Variants in MTRF1 observed in about 807,000 individuals in gnomAD.
The protein encoded by MTRF1 is mitochondrial translation release factor 1, also known as peptide chain release factor 1, mitochondrial.
Under a neutral mutation model 62.9 loss-of-function variants are expected in MTRF1, and 51 were observed. The observed-to-expected ratio is 0.81, with a 90% CI of 0.65 to 1.02. The LOEUF is 1.02. Among genes scored for constraint, MTRF1 ranks in the 50% least tolerant of loss-of-function variants. The probability of loss-of-function intolerance (pLI) is 0.00; values close to 1 mark genes in which losing one functional copy is unlikely to be tolerated. For synonymous variants in MTRF1, 158 were observed against 181.9 expected, an observed-to-expected ratio of 0.87 and a Z score of 1.06; for missense variants, 446 against 530.0, an observed-to-expected ratio of 0.84 and a Z score of 1.56.
At position 41,226,525 on chromosome 13, in the gene MTRF1, A is replaced by G. The variant is rs1566070571; in HGVS notation, c.1032T>C (p.Asn344=). 6.2e-7 allele frequency: 1 copy of G among 1,613,858 alleles called. No individual in the cohort carries two copies. Among genetic ancestry groups the G allele is most frequent in the East Asian group, 2.2e-5 (1 of 44,862 alleles). ...ECQQERSQIK[N]KEIAFRVLRA... Reference sequence around the variant, plus strand: ...TCAACACACGAAAGGCTATTTCTTTATTTTTTATCTGTGATCTTTCTTGTT... The same window carrying G: ...TCAACACACGAAAGGCTATTTCTTTGTTTTTTATCTGTGATCTTTCTTGTT... The change falls in exon 8 of 10, where the codon AAT becomes AAC. Residue 344 remains asparagine, a synonymous_variant. Coordinates refer to ENST00000379480, the MANE Select transcript of MTRF1 (RefSeq NM_004294.4).
chr13:41,230,105 GAA>G (rs199955193), intron 7 of MTRF1, among the ~76,000 whole-genome samples: 3 of 138,144 alleles, frequency 2.2e-5, no homozygotes, highest in Admixed American at 7.2e-5. Context: ...CTCCATCTAA[GAA>G]AAAAAAAAAA....
Position 41,234,725 on chromosome 13 carries a change from A to C in MTRF1, c.871-718T>G, listed in dbSNP as rs569022770. 2.3e-3 allele frequency among the ~76,000 whole-genome samples: 354 copies of C among 152,346 alleles called. 2 individuals are homozygous for C. Among genetic ancestry groups the C allele is most frequent in the African/African-American group, 8.0e-3 (333 of 41,576 alleles). On this transcript the variant is annotated intron_variant, in intron 6 of 9. Coordinates refer to ENST00000379480, the MANE Select transcript of MTRF1 (RefSeq NM_004294.4). ...CAACACCCGAGGCACTTCCACAGTCATTTGCAGACATGCATAGGGCAGTGA... is the reference window on the plus strand; with the variant it reads ...CAACACCCGAGGCACTTCCACAGTCCTTTGCAGACATGCATAGGGCAGTGA...
At chr13:41,311,965 C>G in the MTRF1 span, among the ~76,000 whole-genome samples, 13 of 152,242 alleles carry the variant, frequency 8.5e-5, no homozygotes, top group Non-Finnish European at 1.9e-4. Flanking sequence ...TTGCCAGTCT[C>G]TCCTCGGCTA....
chr13:41,260,557 T>A lies in MTRF1; in HGVS notation c.351A>T (p.Ala117=). ...TCTCCTGAATTTCTTGGTAAATGGC[T>A]GCAAGAGGTGCCAACTCAGCATGCC... ...NRRHAELAPL[A]AIYQEIQETE... Residue 117 remains alanine, a synonymous_variant, in exon 2 of 10, where the codon GCA becomes GCT. Transcript: ENST00000379480. 6.2e-7 allele frequency: 1 copy of A among 1,614,190 alleles called. No individual in the cohort carries two copies. The highest frequency in any genetic ancestry group is 1.3e-5 in the African/African-American group (1 of 75,058).
chr13:41,265,144 C>T (rs556515613), upstream of MTRF1, among the ~76,000 whole-genome samples: 3 of 152,086 alleles, frequency 2.0e-5, no homozygotes, highest in Non-Finnish European at 4.4e-5. Context: ...TAGTCTTAGT[C>T]GGGCGTGGTG....
At chr13:41,254,656 T>C (rs1312674693) in intron 2 of MTRF1, 36 bp from the exon 3 acceptor site, 8 of 1,520,792 alleles carry the variant, frequency 5.3e-6, no homozygotes, top group African/African-American at 1.4e-5. Context: ...ATAAAGTTTT[T>C]AAATACTTAC....
intron 7 of MTRF1, among the ~76,000 whole-genome samples, chr13:41,227,108 G>A (rs904829451): frequency 6.6e-6 from 1 of 152,078 alleles, no homozygotes; most frequent in Non-Finnish European, 1.5e-5. Flanking sequence ...GGATAACACA[G>A]TGAAACCCCA....
intron 6 of MTRF1, 29 bp from the exon 7 acceptor site, chr13:41,234,036 C>G: frequency 6.8e-7 from 1 of 1,475,498 alleles, no homozygotes; most frequent in Non-Finnish European, 9.5e-7. Flanking sequence ...CATAATTCTA[C>G]ACTCCGTGAA....
intron 5 of MTRF1, among the ~76,000 whole-genome samples, chr13:41,243,249 AAAT>A (rs1289154360): frequency 6.6e-6 from 1 of 151,744 alleles, no homozygotes; most frequent in Non-Finnish European, 1.5e-5. Context: ...AAAAAAATAA[AAAT>A]AAAAAAATTA....
the MTRF1 span, among the ~76,000 whole-genome samples, chr13:41,290,089 CTTTTTT>C: frequency 3.8e-5 from 3 of 78,514 alleles, no homozygotes; most frequent in Non-Finnish European, 7.0e-5. Context: ...TGTAATAGTT[CTTTTTT>C]TTTTTTTTTT....
chr13:41,278,637 T>C, the MTRF1 span, among the ~76,000 whole-genome samples: 1 of 152,194 alleles, frequency 6.6e-6, no homozygotes, highest in Non-Finnish European at 1.5e-5. Context: ...CAAGAGACAT[T>C]AGTATCAGCC....
chr13:41,249,150 C>CAT (rs2038688710), intron 5 of MTRF1, among the ~76,000 whole-genome samples: 1 of 152,148 alleles, frequency 6.6e-6, no homozygotes, highest in Non-Finnish European at 1.5e-5. Context: ...TTTGTGTGCA[C>CAT]ATATATGTAA....
chr13:41,236,978 G>A (rs2036698822), intron 6 of MTRF1, among the ~76,000 whole-genome samples: 1 of 152,138 alleles, frequency 6.6e-6, no homozygotes, highest in South Asian at 2.1e-4. Context: ...AGCACTTCGG[G>A]TGGCCAAGGC....
rs538871356 is a variant in MTRF1 at position 41,216,807 on chromosome 13, G to T, written c.*308C>A. On this transcript the variant is annotated 3_prime_UTR_variant, in exon 10 of 10. Transcript: ENST00000379480. ...ATTTAAATTAATTCATAGATGGCTGGGGAAAAAAGGCATATAAAGAGAACA... is the reference window on the plus strand; with the variant it reads ...ATTTAAATTAATTCATAGATGGCTGTGGAAAAAAGGCATATAAAGAGAACA... The T allele has an allele frequency of 3.7e-4, 63 of 170,924 alleles. No individual in the cohort carries two copies. The highest frequency in any genetic ancestry group is 6.5e-4 in the Non-Finnish European group (53 of 81,162). The allele number at this position is 170,924 out of a possible 1,614,324, so 10.6% of individuals were successfully genotyped here.
chr13:41,236,322 G>T (rs1179007395), intron 6 of MTRF1: 1 of 152,150 alleles, frequency 6.6e-6, no homozygotes, highest in Non-Finnish European at 1.5e-5. Context: ...CACCGTGTTG[G>T]CCAGGCTGGT....
intron 7 of MTRF1, among the ~76,000 whole-genome samples, chr13:41,227,695 T>G (rs1408332044): frequency 6.6e-6 from 1 of 152,234 alleles, no homozygotes; most frequent in Non-Finnish European, 1.5e-5. Context: ...AAAGCCCCAT[T>G]AGCTTAGCCT....
the MTRF1 span, among the ~76,000 whole-genome samples, chr13:41,305,558 C>T: frequency 2.0e-5 from 3 of 152,226 alleles, no homozygotes; most frequent in African/African-American, 7.2e-5. Flanking sequence ...CTGCGCTACA[C>T]TCCAGCCACG....
At chr13:41,256,046 T>C (rs912898256) in intron 2 of MTRF1, among the ~76,000 whole-genome samples, 2 of 152,240 alleles carry the variant, frequency 1.3e-5, no homozygotes, top group African/African-American at 4.8e-5. Context: ...CATTAAGCTC[T>C]GGTGGGATTC....
At chr13:41,250,043 T>C (rs2139071950) in intron 5 of MTRF1, among the ~76,000 whole-genome samples, 1 of 152,336 alleles carries the variant, frequency 6.6e-6, no homozygotes, top group South Asian at 2.1e-4. Context: ...AGGAAAGGTT[T>C]CCCAATCATT....
Sources: gnomAD v4.1 joint callset for allele counts (sites outside exome capture counted in the v4.1 genomes callset) on GRCh38, gnomAD v4.1.1 for gene constraint, MANE v1.5 for transcripts, NCBI Gene and HGNC (gene_info 2026-07-23, HGNC 2026-07-21) for gene names.